Variants in PTGER3 observed in about 807,000 individuals in gnomAD.
PTGER3 encodes prostaglandin E receptor 3, also known as prostaglandin E2 receptor EP3 subtype.
Under a neutral mutation model 34.7 loss-of-function variants are expected in PTGER3, and 22 were observed. The observed-to-expected ratio is 0.63, with a 90% CI of 0.45 to 0.91. PTGER3 has a LOEUF of 0.91. PTGER3 is among the 40% of genes least tolerant of loss of function. The pLI is 0.00. For missense variants in PTGER3, 468 were observed against 519.4 expected, an observed-to-expected ratio of 0.90 and a Z score of 0.96; for synonymous variants, 241 against 230.1, an observed-to-expected ratio of 1.05 and a Z score of -0.43.
intron 2 of PTGER3, among the ~76,000 whole-genome samples, chr1:70,979,584 T>G (rs909014555): frequency 6.6e-6 from 1 of 152,096 alleles, no homozygotes; most frequent in African/African-American, 2.4e-5. Context: ...TATATCACAC[T>G]AACAACAAAA....
intron 4 of PTGER3, among the ~76,000 whole-genome samples, chr1:70,944,021 AAG>A (rs529989956): frequency 7.4e-4 from 113 of 152,256 alleles, no homozygotes; most frequent in Middle Eastern, 3.4e-3. Context: ...TGCAATAAAA[AAG>A]AGTACTTACT....
intron 4 of PTGER3, among the ~76,000 whole-genome samples, chr1:70,936,686 A>C (rs1243630569): frequency 6.6e-6 from 1 of 152,190 alleles, no homozygotes; most frequent in Non-Finnish European, 1.5e-5. Context: ...TATGTAACAC[A>C]AGAGAACAAA....
chr1:70,987,191 G>T (rs1275508081), intron 2 of PTGER3, among the ~76,000 whole-genome samples: 4 of 152,044 alleles, frequency 2.6e-5, no homozygotes, highest in Non-Finnish European at 4.4e-5. Context: ...TTCTTTTCCA[G>T]TTTGATGTAT....
chr1:71,041,395 T>C (rs1315299699), intron 1 of PTGER3, among the ~76,000 whole-genome samples: 3 of 152,186 alleles, frequency 2.0e-5, no homozygotes, highest in African/African-American at 4.8e-5. Context: ...ACTAGCCCAA[T>C]AGAAGATCGC....
rs778109203 is a variant in PTGER3, at chr1:70,959,083, T to C, written c.1078-5294A>G. On this transcript the variant is annotated intron_variant, in intron 2 of 3. Coordinates refer to the PTGER3 transcript ENST00000356595. ...TGTGTTGGTTACTAGAGCTTTGTAG[T>C]ATATTTCGAAGTCAGATAGTGTGAT... is the stretch of plus-strand genomic sequence containing the variant. Among the ~76,000 whole-genome samples, 9 of 152,234 alleles carry C rather than the reference T, an allele frequency of 5.9e-5. No homozygotes were observed. In the South Asian group the frequency reaches 6.2e-4, roughly 11 times the overall value.
At chr1:71,018,996 T>A (rs1658165091) in intron 1 of PTGER3, among the ~76,000 whole-genome samples, 1 of 152,194 alleles carries the variant, frequency 6.6e-6, no homozygotes, top group Non-Finnish European at 1.5e-5. Context: ...CATTTCCAAA[T>A]GGCAGCAGAG....
intron 2 of PTGER3, chr1:71,007,879 G>A: frequency 2.0e-6 from 2 of 985,286 alleles, no homozygotes; most frequent in Non-Finnish European, 2.4e-6. Flanking sequence ...AACTTGAGAA[G>A]TGGAATCATC....
At chr1:70,987,515 C>T (rs893014130) in intron 2 of PTGER3, among the ~76,000 whole-genome samples, 2 of 152,148 alleles carry the variant, frequency 1.3e-5, no homozygotes, top group Non-Finnish European at 2.9e-5. Context: ...GGTAATTGCA[C>T]TAAGTAGTTC....
chr1:70,868,866 G>T (rs1370842468), intron 4 of PTGER3, among the ~76,000 whole-genome samples: 2 of 152,098 alleles, frequency 1.3e-5, no homozygotes, highest in Non-Finnish European at 2.9e-5. Context: ...GAGGTTGTGG[G>T]AGCCACAGGA....
At chr1:71,032,097 T>G (rs933479011) in intron 1 of PTGER3, among the ~76,000 whole-genome samples, 1 of 152,224 alleles carries the variant, frequency 6.6e-6, no homozygotes, top group African/African-American at 2.4e-5. Flanking sequence ...AAAAAGCTGG[T>G]TGCCAGAATA....
intron 4 of PTGER3, among the ~76,000 whole-genome samples, chr1:70,922,768 A>G (rs1160768026): frequency 6.6e-6 from 1 of 152,174 alleles, no homozygotes; most frequent in African/African-American, 2.4e-5. Context: ...GGGAATATGA[A>G]TTTTTCTGCC....
intron 4 of PTGER3, among the ~76,000 whole-genome samples, chr1:70,947,079 C>A (rs965290725): frequency 7.9e-5 from 12 of 152,078 alleles, no homozygotes; most frequent in Non-Finnish European, 1.5e-5. Context: ...CTGCTCTATG[C>A]CTTAGTTTTC....
intron 3 of PTGER3, among the ~76,000 whole-genome samples, chr1:70,953,510 C>T (rs1572744027): frequency 1.3e-5 from 2 of 152,238 alleles, no homozygotes; most frequent in Admixed American, 6.5e-5. Flanking sequence ...AGCTGATCCC[C>T]AACAGACATG....
chr1:70,963,853 C>T (rs1367578776), intron 2 of PTGER3, among the ~76,000 whole-genome samples: 4 of 152,120 alleles, frequency 2.6e-5, no homozygotes, highest in Non-Finnish European at 4.4e-5. Flanking sequence ...ATGGGTTTTT[C>T]TTTTCTATTG....
chr1:70,959,515 C>T (rs902804922), intron 2 of PTGER3, among the ~76,000 whole-genome samples: 1 of 152,028 alleles, frequency 6.6e-6, no homozygotes, highest in Non-Finnish European at 1.5e-5. Context: ...CAACTGCCAC[C>T]ATGCTTGACT....
chr1:70,976,965 A>G (rs1211635114), intron 2 of PTGER3, among the ~76,000 whole-genome samples: 1 of 152,174 alleles, frequency 6.6e-6, no homozygotes, highest in African/African-American at 2.4e-5. Flanking sequence ...CAAGTATATA[A>G]GATATCCAAT....
chr1:70,948,671 G>C (rs1361560845), downstream of PTGER3, among the ~76,000 whole-genome samples: 1 of 152,140 alleles, frequency 6.6e-6, no homozygotes, highest in Admixed American at 6.5e-5. Context: ...TTGATTTCAT[G>C]TACTTCGTTA....
intron 4 of PTGER3, among the ~76,000 whole-genome samples, chr1:70,940,703 C>G (rs969312254): frequency 6.6e-6 from 1 of 152,068 alleles, no homozygotes; most frequent in African/African-American, 2.4e-5. Flanking sequence ...AAAAACTTGC[C>G]CCATGATTCA....
chr1:70,919,814 T>G (rs1647352155), intron 4 of PTGER3, among the ~76,000 whole-genome samples: 1 of 152,122 alleles, frequency 6.6e-6, no homozygotes, highest in Non-Finnish European at 1.5e-5. Flanking sequence ...GCCAGAATAG[T>G]TTCAGGGAGA....
Sources: allele counts gnomAD v4.1 joint callset (sites outside exome capture counted in the v4.1 genomes callset), GRCh38; gene constraint gnomAD v4.1.1; transcripts MANE v1.5; gene names NCBI Gene and HGNC (gene_info 2026-07-23, HGNC 2026-07-21).